Variants in WDR24 observed in about 807,000 individuals in gnomAD.
The protein encoded by WDR24 is GATOR2 complex protein WDR24.
A neutral mutation model predicts 66.7 loss-of-function variants in WDR24; 32 were observed. That is an observed-to-expected ratio of 0.48 (90% CI 0.36 to 0.64). WDR24 has a LOEUF of 0.64. WDR24 is among the 30% of genes least tolerant of loss of function. WDR24 has a pLI of 0.00. For missense variants in WDR24, 978 were observed against 1,144.1 expected (o/e 0.85, Z 2.09); for synonymous variants, 565 against 469.1 (o/e 1.20, Z -2.64).
At chr16:686,257 G>T in intron 3 of WDR24, 71 bp from the exon 4 acceptor site, 2 of 1,538,178 alleles carry the variant, frequency 1.3e-6, no homozygotes, top group South Asian at 1.2e-5. Context: ...CTCTCTGCCT[G>T]GACAGTCACA....
Position 687,370 on chromosome 16 carries a change from C to T in WDR24, c.706G>A (p.Asp236Asn), listed in dbSNP as rs1239703499. The T allele has an allele frequency of 1.3e-6, 2 of 1,597,190 alleles. No individual in the cohort carries two copies. The highest frequency in any genetic ancestry group is 1.7e-6 in the Non-Finnish European group (2 of 1,170,036). The part of the protein sequence containing the change: ...GGRDKMVKVW[D>N]MTTHRAKEMH... ...TCCTTGGCACGGTGCGTGGTCATGT[C>T]CCAGACCTTCACCATCTTGTCGCGC... Residue 236 changes from aspartate to asparagine, a missense_variant, in exon 3 of 9, where the codon GAC becomes AAC. Coordinates refer to ENST00000293883, the MANE Select transcript of WDR24 (RefSeq NM_032259.4).
rs755274152 is a variant in WDR24 at position 685,048 on chromosome 16, G to A, written c.2148C>T (p.His716=). Residue 716 remains histidine, a synonymous_variant, in exon 8 of 9, where the codon CAC becomes CAT. Transcript: ENST00000293883. ...SCLNQASTTL[H]VNCSHCKRPM... The stretch of plus-strand genomic sequence containing the variant: ...GCCGCTTGCAGTGGCTGCAGTTGAC[G>A]TGCAGGGTGGTGGAGGCCTGGTTGA... The A allele has an allele frequency of 4.5e-5, 70 of 1,557,350 alleles. No homozygotes were observed. The highest frequency in any genetic ancestry group is 3.9e-5 in the Non-Finnish European group (45 of 1,152,190).
At chr16:686,607 T>C in intron 3 of WDR24, 137 bp downstream of exon 3, 1 of 1,012,756 alleles carries the variant, frequency 9.9e-7, no homozygotes, top group African/African-American at 2.0e-5. Flanking sequence ...CACCCTCAGC[T>C]ACCAAGGCAA....
At position 685,425 on chromosome 16, in the gene WDR24, C is replaced by G. The variant is rs1193537576; in HGVS notation, c.1851G>C (p.Leu617=). The G allele has an allele frequency of 1.2e-6, 2 of 1,611,826 alleles. No individual in the cohort carries two copies. The highest frequency in any genetic ancestry group is 1.7e-5 in the Admixed American group (1 of 59,960). The change falls in exon 7 of 9, where the codon CTG becomes CTC. Residue 617 remains leucine (L), a synonymous_variant. Transcript: ENST00000293883. The part of the protein sequence containing the change: ...LAPVDSSFSL[L]SVSHALYDSR... Reference sequence around the variant, plus strand: ...TGTCGTAGAGCGCGTGTGAGACAGACAGGAGCGAGAAGGAGGAGTCCACGG... The same window carrying G: ...TGTCGTAGAGCGCGTGTGAGACAGAGAGGAGCGAGAAGGAGGAGTCCACGG...
Position 685,782 on chromosome 16 carries a change from A to C in WDR24, c.1575T>G (p.Asp525Glu). The C allele has an allele frequency of 6.2e-7, 1 of 1,613,146 alleles. No homozygotes were observed. The highest frequency in any genetic ancestry group is 8.5e-7 in the Non-Finnish European group (1 of 1,179,978). Residue 525 changes from aspartate to glutamate, a missense_variant and splice_region_variant, in exon 6 of 9, where the codon GAT (aspartate) becomes GAG (glutamate). Around this residue, in one of 2 missense-constraint regions of WDR24, gnomAD observed 676 missense variants for 617.5 expected, o/e 1.09. Transcript: ENST00000293883. ...CGTCGCTGCCCTCGGTTTCCTCGTT[A>C]TCTGCCCGACAATGGGGCGGGCATT... Reference protein sequence around the residue: ...DSSATLITNEDNEETEGSDVP... With the variant: ...DSSATLITNEENEETEGSDVP...
rs199983103 is a variant in WDR24, at chr16:685,805, A to G, written c.1574-22T>C. The stretch of plus-strand genomic sequence containing the variant: ...TTATCTGCCCGACAATGGGGCGGGC[A>G]TTCAGGGTCGTCTGGGACACCCCCA... On this transcript the variant is annotated intron_variant, in intron 5 of 8. Coordinates refer to ENST00000293883, the MANE Select transcript of WDR24 (RefSeq NM_032259.4). 76 of 1,613,112 alleles carry G rather than the reference A, an allele frequency of 4.7e-5. No individual in the cohort carries two copies. The Admixed American group carries it at 1.2e-3, about 26-fold the overall frequency.
Position 687,465 on chromosome 16 carries a change from A to T in WDR24, c.660-49T>A. 5 of 1,571,208 alleles carry T rather than the reference A, an allele frequency of 3.2e-6. No homozygotes were observed. The East Asian group carries it at 1.1e-4, about 35-fold the overall frequency. On this transcript the variant is annotated intron_variant, in intron 2 of 8. Transcript: ENST00000293883. ...ACCCTCAGTGGCCTTTCCTGCAGAG[A>T]GGGGACCCCCCCGCTCTGCTGCTCC...
intron 1 of WDR24, chr16:688,875 C>T (rs2039938023): frequency 6.4e-6 from 3 of 465,524 alleles, no homozygotes; most frequent in South Asian, 2.3e-5. Context: ...GCTCACCACC[C>T]AGGCTGGCTG....
chr16:687,472 C>A (rs56839443), intron 2 of WDR24, 56 bp from the exon 3 acceptor site: 1 of 1,570,720 alleles, frequency 6.4e-7, no homozygotes. Context: ...GAGAGGGGAC[C>A]CCCCCGCTCT....
rs754927806 is a variant in WDR24, at chr16:687,073, C to T, written c.1003G>A (p.Val335Ile). The T allele has an allele frequency of 1.0e-5, 16 of 1,606,708 alleles. No homozygotes were observed. Among genetic ancestry groups the T allele is most frequent in the South Asian group, 3.3e-5 (3 of 90,872 alleles). Residue 335 changes from valine to isoleucine, a missense_variant, in exon 3 of 9, where the codon GTC becomes ATC. Transcript: ENST00000293883. ...AGGCCCTCAGGGTTGGCGCGCTCGA[C>T]GGGCTGGCTGGCGTCGCGGAACAGG... Reference protein sequence around the residue: ...QHLFRDASQPVERANPEGLCY... With the variant: ...QHLFRDASQPIERANPEGLCY...
Position 687,617 on chromosome 16 carries a change from T to G in WDR24, c.604A>C (p.Met202Leu). The change falls in exon 2 of 9, where the codon ATG (methionine) becomes CTG (leucine). Residue 202 changes from methionine to leucine, a missense_variant. Physicochemically the swap from Met to Leu is conservative, Grantham distance 15 (BLOSUM62 2). This residue lies in a region of WDR24 where 302 missense variants were observed against 526.6 expected (regional missense o/e 0.57). Coordinates refer to ENST00000293883, the MANE Select transcript of WDR24 (RefSeq NM_032259.4). ...ACGGGTCCGTTGTGGGCTGTGAACA[T>G]CCTCTCGCACCGGTCGGGACGCCGG... ...DIRRPDRCER[M>L]FTAHNGPVFC... is the part of the protein sequence containing the mutation. 1 of 1,613,452 alleles carries G rather than the reference T, an allele frequency of 6.2e-7. No homozygotes were observed. Among genetic ancestry groups the G allele is most frequent in the Non-Finnish European group, 8.5e-7 (1 of 1,180,002 alleles).
chr16:687,691 A>C lies in WDR24; in HGVS notation c.530T>G (p.Phe177Cys). The C allele has an allele frequency of 6.2e-7, 1 of 1,613,594 alleles. No homozygotes were observed. The highest frequency in any genetic ancestry group is 2.2e-5 in the East Asian group (1 of 44,872). Residue 177 changes from phenylalanine to cysteine, a missense_variant, in exon 2 of 9, where the codon TTC becomes TGC. Phe to Cys is a radical substitution (Grantham distance 205). Coordinates refer to ENST00000293883, the MANE Select transcript of WDR24 (RefSeq NM_032259.4). ...GTTCTCAAAGGTGGAGGCGAAGGTG[A>C]AGTAGTCCCGGATACTGAACTGCAC... ...RDVQFSIRDY[F>C]TFASTFENGN...
rs746877503 is a variant in WDR24, at chr16:685,955, C to T, written c.1487G>A (p.Ser496Asn). The T allele has an allele frequency of 6.2e-7, 1 of 1,613,148 alleles. No homozygotes were observed. Among genetic ancestry groups the T allele is most frequent in the South Asian group, 1.1e-5 (1 of 91,084 alleles). Residue 496 changes from serine (S) to asparagine (N), a missense_variant, in exon 5 of 9, where the codon AGT (serine) becomes AAT (asparagine). Transcript: ENST00000293883. Reference protein sequence around the residue: ...NLKDMAPGLGSETRLDRSKGD... With the variant: ...NLKDMAPGLGNETRLDRSKGD... ...TTTGCTGCGGTCCAGCCGCGTCTCACTGCCCAACCCTGGGGCCATATCCTT... is the reference window on the plus strand; with the variant it reads ...TTTGCTGCGGTCCAGCCGCGTCTCATTGCCCAACCCTGGGGCCATATCCTT...
chr16:684,695 C>G lies in WDR24; in HGVS notation c.*39G>C. ...CTCGGGCACAAGACCAGGCGGGGTT[C>G]TGCACGCGGCCGCCCGGGCAAGCCC... On this transcript the variant is annotated 3_prime_UTR_variant, in exon 9 of 9. Transcript: ENST00000293883. The G allele has an allele frequency of 6.5e-7, 1 of 1,539,734 alleles. No homozygotes were observed. The highest frequency in any genetic ancestry group is 1.9e-5 in the Admixed American group (1 of 52,300).
At chr16:686,592 C>G in intron 3 of WDR24, 152 bp downstream of exon 3, 2 of 759,696 alleles carry the variant, frequency 2.6e-6, no homozygotes, top group Non-Finnish European at 3.6e-6. Context: ...CCTGTGTGAT[C>G]CTGACACCCT....
chr16:685,034 TG>T lies in WDR24; in HGVS notation c.2161del (p.His721ThrfsTer6). On this transcript the variant is annotated frameshift_variant, in exon 8 of 9. Transcript: ENST00000293883. LOFTEE classifies it high-confidence loss of function. ...ASTTLHVNCS[H>X]CKRPMSSRGW... ...CCGGCTGCTCATGGGCCGCTTGCAG[TG>T]GCTGCAGTTGACGTGCAGGGTGGTG... is the stretch of plus-strand genomic sequence containing the variant. 1 of 1,556,902 alleles carries T rather than the reference TG, an allele frequency of 6.4e-7. No individual in the cohort carries two copies. The highest frequency in any genetic ancestry group is 1.2e-5 in the South Asian group (1 of 85,124).
At position 685,766 on chromosome 16, in the gene WDR24, C is replaced by T. The variant is rs774933799; in HGVS notation, c.1591G>A (p.Gly531Ser). The change falls in exon 6 of 9, where the codon GGC becomes AGC. Residue 531 changes from glycine (G) to serine (S), a missense_variant. Transcript: ENST00000293883. ...ITNEDNEETEGSDVPADYLLG... is the reference protein window; with the variant it reads ...ITNEDNEETESSDVPADYLLG... ...AGGTAGTCGGCAGGTACGTCGCTGCCCTCGGTTTCCTCGTTATCTGCCCGA... is the reference window on the plus strand; with the variant it reads ...AGGTAGTCGGCAGGTACGTCGCTGCTCTCGGTTTCCTCGTTATCTGCCCGA... 2 of 1,613,272 alleles carry T rather than the reference C, an allele frequency of 1.2e-6. No individual in the cohort carries two copies. The highest frequency in any genetic ancestry group is 8.5e-7 in the Non-Finnish European group (1 of 1,180,016).
Position 686,919 on chromosome 16 carries a change from G to C in WDR24, c.1157C>G (p.Ala386Gly). The C allele has an allele frequency of 6.2e-7, 1 of 1,606,128 alleles. No individual in the cohort carries two copies. The highest frequency in any genetic ancestry group is 8.5e-7 in the Non-Finnish European group (1 of 1,178,838). Residue 386 changes from alanine (A) to glycine (G), a missense_variant, in exon 3 of 9, where the codon GCC (alanine) becomes GGC (glycine). Transcript: ENST00000293883. ...GGAGGCGAGGCCTGCGAAGGGCTCG[G>C]CAGGGTCCAGCTTGCGCTTAAAGAA... ...PIFFKRKLDPAEPFAGLASSA... is the reference protein window; with the variant it reads ...PIFFKRKLDPGEPFAGLASSA...
chr16:685,918 C>G lies in WDR24; in HGVS notation c.1524G>C (p.Arg508=), dbSNP rs1233470944. 1 of 1,613,218 alleles carries G rather than the reference C, an allele frequency of 6.2e-7. No individual in the cohort carries two copies. Among genetic ancestry groups the G allele is most frequent in the Non-Finnish European group, 8.5e-7 (1 of 1,180,002 alleles). The change falls in exon 5 of 9, where the codon CGG becomes CGC. Residue 508 remains arginine, a synonymous_variant. Transcript: ENST00000293883. ...AGGAGTCGAGCAGAACTGTGTCGCT[C>G]CGTGCATCTCCTTTGCTGCGGTCCA... ...TRLDRSKGDA[R]SDTVLLDSSA...
Sources: allele counts gnomAD v4.1 joint callset, GRCh38; gene constraint gnomAD v4.1.1; regional missense constraint gnomAD v4.1.1; transcripts MANE v1.5; gene names NCBI Gene and HGNC (gene_info 2026-07-23, HGNC 2026-07-21).